Variants in STXBP5 observed in about 807,000 individuals in gnomAD.
STXBP5 encodes syntaxin binding protein 5, also known as syntaxin-binding protein 5.
STXBP5 carries 50 observed loss-of-function variants against 152.4 expected under a neutral mutation model. That is an observed-to-expected ratio of 0.33 (90% CI 0.26 to 0.42). STXBP5 has a LOEUF of 0.42. Ranked by LOEUF, STXBP5 falls within the 10% of genes least tolerant of loss-of-function variation. The pLI is 1.00. For synonymous variants in STXBP5, 492 were observed against 494.7 expected (o/e 0.99, Z 0.07); for missense variants, 1,167 against 1,388.6 (o/e 0.84, Z 2.54).
chr6:147,316,415 A>T lies in STXBP5; in HGVS notation c.1802+8A>T. On this transcript the variant is annotated splice_region_variant and intron_variant, in intron 16 of 27. Coordinates refer to ENST00000321680, the MANE Select transcript of STXBP5 (RefSeq NM_001127715.4). ...TAATGTACCTTGTTTAAAGTAAGTT[A>T]TAAAAAACTACAGAGGAGTTTTGGA... 1 of 1,499,462 alleles carries T rather than the reference A, an allele frequency of 6.7e-7. No homozygotes were observed. The highest frequency in any genetic ancestry group is 1.4e-5 in the South Asian group (1 of 73,134). 92.9% of individuals were successfully genotyped at this position (1,499,462 alleles called of 1,614,324 possible).
At chr6:147,303,844 C>T (rs775772327) in intron 9 of STXBP5, among the ~76,000 whole-genome samples, 1 of 152,152 alleles carries the variant, frequency 6.6e-6, no homozygotes, top group Non-Finnish European at 1.5e-5. Context: ...GTGAGTCTTA[C>T]TGTGCTTTAG....
intron 27 of STXBP5, 139 bp from the exon 28 acceptor site, chr6:147,384,575 A>T: frequency 2.5e-6 from 2 of 814,450 alleles, no homozygotes; most frequent in Non-Finnish European, 4.0e-6. Context: ...TACTGCTTTT[A>T]ATAAGTTGAA....
intron 4 of STXBP5, among the ~76,000 whole-genome samples, chr6:147,241,396 T>C (rs941945925): frequency 3.9e-5 from 6 of 152,208 alleles, no homozygotes; most frequent in Admixed American, 2.0e-4. Flanking sequence ...TACAGTATCA[T>C]GTGGAATAGT....
chr6:147,290,958 AAT>A (rs1781249003), intron 8 of STXBP5, 134 bp from the exon 9 acceptor site: 1 of 582,088 alleles, frequency 1.7e-6, no homozygotes. Flanking sequence ...CTGTGTATTA[AAT>A]GCCTCTTTCA....
At chr6:147,280,286 G>C (rs1780641387) in intron 8 of STXBP5, among the ~76,000 whole-genome samples, 1 of 152,036 alleles carries the variant, frequency 6.6e-6, no homozygotes, top group African/African-American at 2.4e-5. Flanking sequence ...TTCATGATGA[G>C]ATTTAGGTTG....
chr6:147,369,883 A>G (rs1231917343), intron 25 of STXBP5, among the ~76,000 whole-genome samples: 1 of 152,066 alleles, frequency 6.6e-6, no homozygotes, highest in African/African-American at 2.4e-5. Context: ...AGTTTTCTAA[A>G]AAGTTAACAT....
chr6:147,268,076 T>C (rs1779980956), intron 7 of STXBP5, among the ~76,000 whole-genome samples: 8 of 152,210 alleles, frequency 5.3e-5, no homozygotes, highest in Admixed American at 3.3e-4. Flanking sequence ...TGTTCTCTAA[T>C]GGTTTCCATG....
intron 9 of STXBP5, among the ~76,000 whole-genome samples, chr6:147,299,923 G>A (rs1159797754): frequency 6.6e-6 from 1 of 151,964 alleles, no homozygotes; most frequent in African/African-American, 2.4e-5. Flanking sequence ...AAATCCTAAA[G>A]ACTCAACTGA....
At chr6:147,377,037 T>A (rs938782056) in intron 26 of STXBP5, among the ~76,000 whole-genome samples, 3 of 152,158 alleles carry the variant, frequency 2.0e-5, no homozygotes, top group African/African-American at 7.2e-5. Context: ...AATATTGACA[T>A]AGCTAATAGA....
chr6:147,248,272 C>A (rs1778910600), intron 4 of STXBP5, among the ~76,000 whole-genome samples: 1 of 144,664 alleles, frequency 6.9e-6, no homozygotes. Context: ...CAAAGTGAGA[C>A]TCCATCTCAA....
At chr6:147,211,950 C>G (rs1022636864) in intron 2 of STXBP5, among the ~76,000 whole-genome samples, 3 of 152,096 alleles carry the variant, frequency 2.0e-5, no homozygotes, top group African/African-American at 7.2e-5. Context: ...GAGTTCCGGT[C>G]ATTTGGAATT....
chr6:147,363,608 C>T lies in STXBP5; in HGVS notation c.2819C>T (p.Thr940Ile). 1 of 1,614,132 alleles carries T rather than the reference C, an allele frequency of 6.2e-7. No homozygotes were observed. The highest frequency in any genetic ancestry group is 8.5e-7 in the Non-Finnish European group (1 of 1,180,038). ...TQNCAYKQNITETSFVLRGDI... is the reference protein window; with the variant it reads ...TQNCAYKQNIIETSFVLRGDI... ...AACTGTGCTTATAAGCAAAATATTA[C>T]AGAGACCTCGTTTGTGCTTCGTGGA... The change falls in exon 24 of 28, where the codon ACA (threonine) becomes ATA (isoleucine). Residue 940 changes from threonine to isoleucine, a missense_variant. Coordinates refer to ENST00000321680, the MANE Select transcript of STXBP5 (RefSeq NM_001127715.4).
intron 2 of STXBP5, among the ~76,000 whole-genome samples, chr6:147,213,434 A>ATGTGTGTGTGTGTGTG (rs1159372834): frequency 1.6e-4 from 14 of 85,588 alleles, no homozygotes; most frequent in South Asian, 8.0e-4. Flanking sequence ...AATTTTATAT[A>ATGTGTGTGTGTGTGTG]TGTGTGTGTG....
intron 18 of STXBP5, among the ~76,000 whole-genome samples, chr6:147,329,546 T>C (rs900150512): frequency 2.0e-5 from 3 of 150,486 alleles, no homozygotes; most frequent in Non-Finnish European, 4.4e-5. Context: ...AAAAATAATA[T>C]TCTTCCTAAC....
At chr6:147,345,510 G>A (rs1363120109) in intron 21 of STXBP5, among the ~76,000 whole-genome samples, 1 of 152,232 alleles carries the variant, frequency 6.6e-6, no homozygotes, top group East Asian at 1.9e-4. Context: ...CCTTTCAAGA[G>A]AGTAGTGTTG....
At chr6:147,321,335 A>G (rs1782924500) in intron 16 of STXBP5, among the ~76,000 whole-genome samples, 1 of 152,184 alleles carries the variant, frequency 6.6e-6, no homozygotes, top group Non-Finnish European at 1.5e-5. Flanking sequence ...AAACATTTTA[A>G]AAGCAGCTGT....
intron 19 of STXBP5, among the ~76,000 whole-genome samples, chr6:147,338,658 T>C (rs749242523): frequency 2.0e-5 from 3 of 151,826 alleles, no homozygotes; most frequent in African/African-American, 7.2e-5. Flanking sequence ...TCTACAAATA[T>C]AAGTATTATC....
In STXBP5 at chr6:147,339,175, G is replaced by A. The variant is rs1783976198; in HGVS notation, c.2147-4G>A. ...TATTCCTTCCGTTGTCTTCATTTGTGTAGGTTCTTCATCACCACACAATTC... is the reference window on the plus strand; with the variant it reads ...TATTCCTTCCGTTGTCTTCATTTGTATAGGTTCTTCATCACCACACAATTC... On this transcript the variant is annotated splice_polypyrimidine_tract_variant and splice_region_variant and intron_variant, in intron 19 of 27. Coordinates refer to ENST00000321680, the MANE Select transcript of STXBP5 (RefSeq NM_001127715.4). The A allele has an allele frequency of 6.5e-7, 1 of 1,537,428 alleles. No homozygotes were observed. Among genetic ancestry groups the A allele is most frequent in the African/African-American group, 1.4e-5 (1 of 71,988 alleles).
At chr6:147,370,403 T>A (rs1785486912) in intron 25 of STXBP5, among the ~76,000 whole-genome samples, 1 of 152,082 alleles carries the variant, frequency 6.6e-6, no homozygotes, top group African/African-American at 2.4e-5. Flanking sequence ...GTATGTCGAT[T>A]ATACTTCAGT....
Sources: gnomAD v4.1 joint callset for allele counts (sites outside exome capture counted in the v4.1 genomes callset) on GRCh38, gnomAD v4.1.1 for gene constraint, MANE v1.5 for transcripts, NCBI Gene and HGNC (gene_info 2026-07-23, HGNC 2026-07-21) for gene names.